The following PDE11A variants were observed in gnomAD, a reference collection of about 807,000 sequenced individuals.
PDE11A encodes the protein phosphodiesterase 11A, also known as dual 3',5'-cyclic-AMP and -GMP phosphodiesterase 11A.
Under a neutral mutation model 100.5 loss-of-function variants are expected in PDE11A, and 100 were observed. The observed-to-expected ratio is 1.00, with a 90% CI of 0.85 to 1.18. PDE11A has a LOEUF of 1.18. PDE11A is among the 50% of genes most tolerant of loss of function. PDE11A has a pLI of 0.00. For synonymous variants in PDE11A, 381 were observed against 420.8 expected (o/e 0.91, Z 1.16); for missense variants, 1,141 against 1,152.6 (o/e 0.99, Z 0.15).
chr2:177,637,995 A>G (rs1386823858), intron 19 of PDE11A, among the ~76,000 whole-genome samples: 7 of 54,138 alleles, frequency 1.3e-4, no homozygotes, highest in South Asian at 1.3e-3. Context: ...ATATATATAT[A>G]TATTTTTTTT....
At chr2:177,761,177 T>C (rs2082164510) in intron 10 of PDE11A, among the ~76,000 whole-genome samples, 1 of 152,102 alleles carries the variant, frequency 6.6e-6, no homozygotes, top group African/African-American at 2.4e-5. Flanking sequence ...GACACTATCA[T>C]TACAGCACAC....
chr2:177,706,402 C>T (rs1479331559), intron 13 of PDE11A, among the ~76,000 whole-genome samples: 1 of 152,086 alleles, frequency 6.6e-6, no homozygotes, highest in African/African-American at 2.4e-5. Flanking sequence ...TTTATTTCTC[C>T]CACAATTCCT....
At chr2:177,986,531 T>C (rs1433835303) in intron 2 of PDE11A, among the ~76,000 whole-genome samples, 1 of 152,148 alleles carries the variant, frequency 6.6e-6, no homozygotes, top group Non-Finnish European at 1.5e-5. Context: ...TTTTGTCTTC[T>C]TAAGAATGGG....
chr2:177,639,329 C>T (rs550518882), intron 19 of PDE11A, among the ~76,000 whole-genome samples: 1 of 152,174 alleles, frequency 6.6e-6, no homozygotes, highest in East Asian at 1.9e-4. Flanking sequence ...AGTAGAGGTC[C>T]CTTATCACTG....
At chr2:177,872,720 A>T (rs1242572246) in intron 5 of PDE11A, among the ~76,000 whole-genome samples, 1 of 152,210 alleles carries the variant, frequency 6.6e-6, no homozygotes, top group Non-Finnish European at 1.5e-5. Flanking sequence ...ATGATGTTAA[A>T]TGATGAAAGG....
upstream of PDE11A, among the ~76,000 whole-genome samples, chr2:178,077,745 T>C (rs2087225930): frequency 6.6e-6 from 1 of 152,132 alleles, no homozygotes; most frequent in African/African-American, 2.4e-5. Flanking sequence ...GGGTGGGTTC[T>C]AAATCAAGTG....
At chr2:177,794,079 A>C (rs1291216358) in intron 9 of PDE11A, among the ~76,000 whole-genome samples, 1 of 152,092 alleles carries the variant, frequency 6.6e-6, no homozygotes, top group Non-Finnish European at 1.5e-5. Context: ...AGTGGAGTGA[A>C]ATAAGGAAAA....
At chr2:177,673,049 A>C (rs1294757734) in intron 17 of PDE11A, among the ~76,000 whole-genome samples, 2 of 152,246 alleles carry the variant, frequency 1.3e-5, no homozygotes, top group African/African-American at 2.4e-5. Flanking sequence ...GAGAGAAAGA[A>C]ATAAATATAT....
At chr2:177,650,697 T>G (rs1341254853) in intron 19 of PDE11A, among the ~76,000 whole-genome samples, 3 of 152,216 alleles carry the variant, frequency 2.0e-5, no homozygotes, top group African/African-American at 7.2e-5. Flanking sequence ...TATACATAGA[T>G]AGTAGGATAT....
At chr2:177,871,260 C>T (rs1003617561) in intron 5 of PDE11A, among the ~76,000 whole-genome samples, 2 of 151,990 alleles carry the variant, frequency 1.3e-5, no homozygotes, top group African/African-American at 4.8e-5. Flanking sequence ...AGGGGCTAGG[C>T]AACAGACTAT....
chr2:177,912,991 T>C (rs1334377460), intron 2 of PDE11A, among the ~76,000 whole-genome samples: 2 of 152,184 alleles, frequency 1.3e-5, no homozygotes, highest in Admixed American at 6.5e-5. Flanking sequence ...TAAATGGGCA[T>C]AGGGGATCTT....
chr2:178,070,151 A>G (rs1421526759), intron 1 of PDE11A, among the ~76,000 whole-genome samples: 1 of 152,260 alleles, frequency 6.6e-6, no homozygotes, highest in Admixed American at 6.5e-5. Context: ...AGGAATAAAC[A>G]CTTGTTGAAA....
At position 177,922,765 on chromosome 2, in the gene PDE11A, A is replaced by G. The variant is rs534843514; in HGVS notation, c.1072-17578T>C. 54 of 985,372 alleles carry G rather than the reference A, an allele frequency of 5.5e-5. 1 individual carries two copies. In the South Asian group the frequency reaches 9.9e-4, roughly 18 times the overall value. 61.0% of individuals were successfully genotyped at this position (985,372 alleles called of 1,614,324 possible). ...ACAGGGCCTACACTCAAAGCCCTTCATAATCTATTCCCAACACACAGTGGA... is the reference window on the plus strand; with the variant it reads ...ACAGGGCCTACACTCAAAGCCCTTCGTAATCTATTCCCAACACACAGTGGA... On this transcript the variant is annotated intron_variant, in intron 2 of 19. Transcript: ENST00000286063.
At chr2:177,724,228 G>C (rs2081568230) in intron 12 of PDE11A, among the ~76,000 whole-genome samples, 1 of 151,858 alleles carries the variant, frequency 6.6e-6, no homozygotes, top group Admixed American at 6.6e-5. Context: ...TTTCAGACCA[G>C]AGGCATGGAA....
chr2:178,004,562 C>T (rs1433874065), intron 2 of PDE11A, among the ~76,000 whole-genome samples: 1 of 152,142 alleles, frequency 6.6e-6, no homozygotes, highest in African/African-American at 2.4e-5. Flanking sequence ...ATTTTGCCTG[C>T]CAACAAATTT....
At chr2:177,675,587 G>T in intron 16 of PDE11A, 69 bp from the exon 17 acceptor site, 1 of 1,110,910 alleles carries the variant, frequency 9.0e-7, no homozygotes, top group Non-Finnish European at 1.4e-6. Flanking sequence ...ACCCGTCCTA[G>T]ATACATAAAT....
At chr2:177,992,544 T>A (rs188722472) in intron 2 of PDE11A, among the ~76,000 whole-genome samples, 1 of 152,348 alleles carries the variant, frequency 6.6e-6, no homozygotes, top group East Asian at 1.9e-4. Flanking sequence ...AATGTTTCTA[T>A]GTCTAATGGT....
chr2:177,907,843 T>C (rs1387157873), intron 2 of PDE11A, among the ~76,000 whole-genome samples: 1 of 152,262 alleles, frequency 6.6e-6, no homozygotes, highest in East Asian at 1.9e-4. Flanking sequence ...TGCAATCTAC[T>C]ATATGTGCTA....
intron 10 of PDE11A, among the ~76,000 whole-genome samples, chr2:177,742,546 T>A (rs2081888714): frequency 1.3e-5 from 2 of 152,306 alleles, no homozygotes; most frequent in Non-Finnish European, 2.9e-5. Context: ...AAATACTTAG[T>A]GAGGGCTTGC....
Sources: gnomAD v4.1 joint callset for allele counts (sites outside exome capture counted in the v4.1 genomes callset) on GRCh38, gnomAD v4.1.1 for gene constraint, MANE v1.5 for transcripts, NCBI Gene and HGNC (gene_info 2026-07-23, HGNC 2026-07-21) for gene names.